KCNC1: variants seen among roughly 807,000 people sequenced by gnomAD.
KCNC1 encodes the protein voltage-gated potassium channel KCNC1.
In KCNC1, 8 loss-of-function variants were observed where a neutral mutation model predicts 43.4. The observed-to-expected ratio is 0.18, with a 90% CI of 0.11 to 0.33. The LOEUF (loss-of-function observed/expected upper bound fraction) is 0.33, where lower values mean the gene tolerates loss of function less well. KCNC1 is among the 10% of genes least tolerant of loss of function. The pLI, the probability that KCNC1 is intolerant of heterozygous loss-of-function variation, is 1.00. For synonymous variants in KCNC1, 361 were observed against 360.5 expected, an observed-to-expected ratio of 1.00 and a Z score of -0.01; for missense variants, 420 against 836.0, an observed-to-expected ratio of 0.50 and a Z score of 6.14.
intron 1 of KCNC1, among the ~76,000 whole-genome samples, chr11:17,740,502 C>T (rs1848825974): frequency 6.6e-6 from 1 of 152,052 alleles, no homozygotes; most frequent in African/African-American, 2.4e-5. Context: ...GGCTTGAAAC[C>T]TGCCCTCCTG....
chr11:17,748,309 G>C (rs1354354027), intron 1 of KCNC1, among the ~76,000 whole-genome samples: 1 of 152,180 alleles, frequency 6.6e-6, no homozygotes, highest in Non-Finnish European at 1.5e-5. Flanking sequence ...GAGCAGCTGT[G>C]TGCCCAGGGT....
chr11:17,749,925 G>A (rs992595570), intron 1 of KCNC1, among the ~76,000 whole-genome samples: 2 of 152,244 alleles, frequency 1.3e-5, no homozygotes, highest in African/African-American at 4.8e-5. Flanking sequence ...GGCAGAAAGA[G>A]CATTAGGGAG....
rs1282970151 is a variant in KCNC1, at chr11:17,771,467, G to C, written c.571-198G>C. 6.6e-6 allele frequency among the ~76,000 whole-genome samples: 1 copy of C among 152,192 alleles called. No individual in the cohort carries two copies. The highest frequency in any genetic ancestry group is 1.5e-5 in the Non-Finnish European group (1 of 68,030). Reference sequence around the variant, plus strand: ...ATAGGGGGAAGAAGACAGCATGGAAGGCGGAGTAGGAGGGTTTTAGAGCCT... The same window carrying C: ...ATAGGGGGAAGAAGACAGCATGGAACGCGGAGTAGGAGGGTTTTAGAGCCT... On this transcript the variant is annotated intron_variant, in intron 1 of 3. Coordinates refer to ENST00000265969, the MANE Select transcript of KCNC1 (RefSeq NM_001112741.2). This position sits in a 1 kb window ranked among gnomAD's most constrained non-coding sequence, Gnocchi z 4.7.
At chr11:17,740,748 C>G (rs1429996720) in intron 1 of KCNC1, among the ~76,000 whole-genome samples, 1 of 152,148 alleles carries the variant, frequency 6.6e-6, no homozygotes, top group African/African-American at 2.4e-5. Flanking sequence ...GCCCCACCTC[C>G]ATCCACCCAG....
chr11:17,745,492 C>T (rs1848889014), intron 1 of KCNC1, among the ~76,000 whole-genome samples: 1 of 152,208 alleles, frequency 6.6e-6, no homozygotes, highest in East Asian at 1.9e-4. Flanking sequence ...GTTCTTCTCT[C>T]AGCCCCAGCT....
chr11:17,773,371 C>CCGATGGAAG lies in KCNC1; in HGVS notation c.1504+776_1504+784dup. The CCGATGGAAG allele has an allele frequency of 1.0e-6, 1 of 985,314 alleles. No individual in the cohort carries two copies. Among genetic ancestry groups the CCGATGGAAG allele is most frequent in the Non-Finnish European group, 1.2e-6 (1 of 829,940 alleles). The allele number at this position is 985,314 out of a possible 1,614,324, so 61.0% of individuals were successfully genotyped here. Reference sequence around the variant, plus strand: ...TGGTCGAGTGGGAGTTTCCGGTGACCCGATGGAAGCGGCTGCCGAGCAAAA... The same window carrying CCGATGGAAG: ...TGGTCGAGTGGGAGTTTCCGGTGACCCGATGGAAGCGATGGAAGCGGCTGCCGAGCAAAA... On this transcript the variant is annotated intron_variant, in intron 2 of 3. Coordinates refer to ENST00000265969, the MANE Select transcript of KCNC1 (RefSeq NM_001112741.2). The surrounding 1 kb of genome is among the most constrained non-coding windows in gnomAD (Gnocchi z 4.1).
chr11:17,776,039 C>T lies in KCNC1; in HGVS notation c.1505-3417C>T. On this transcript the variant is annotated intron_variant, in intron 2 of 3. Transcript: ENST00000265969. This position sits in a 1 kb window ranked among gnomAD's most constrained non-coding sequence, Gnocchi z 4.4. ...GCGGCGGGTGGGGCTAAGAGAGTTT[C>T]TGCAGGGACCCAGCTGCAGGGTCAG... 1.0e-6 allele frequency: 1 copy of T among 985,394 alleles called. No individual in the cohort carries two copies. The highest frequency in any genetic ancestry group is 1.2e-6 in the Non-Finnish European group (1 of 829,968). The allele number at this position is 985,394 out of a possible 1,614,324, so 61.0% of individuals were successfully genotyped here.
rs375333946 is a variant in KCNC1, at chr11:17,762,073, C to T, written c.571-9592C>T. On this transcript the variant is annotated intron_variant, in intron 1 of 3. Coordinates refer to ENST00000265969, the MANE Select transcript of KCNC1 (RefSeq NM_001112741.2). ...AGACAGCTCCTCCGGCCCCATCCCA[C>T]GGGATCCCTCTGAGGCCGTCTCCTC... 6.6e-5 allele frequency among the ~76,000 whole-genome samples: 10 copies of T among 152,328 alleles called. No individual in the cohort carries two copies. In the East Asian group the frequency reaches 1.7e-3, roughly 26 times the overall value.
In KCNC1 at chr11:17,781,590, C is replaced by T. The variant is rs1428682583; in HGVS notation, c.1694-80C>T. ...TGCGGCTGTTCTGTCTTTCCTCCTC[C>T]TTCTTAAAAACTAAGTACCAAGCGG... On this transcript the variant is annotated intron_variant, in intron 3 of 3. Transcript: ENST00000265969. This position sits in a 1 kb window ranked among gnomAD's most constrained non-coding sequence, Gnocchi z 5.1. 2 of 1,005,724 alleles carry T rather than the reference C, an allele frequency of 2.0e-6. No individual in the cohort carries two copies. Among genetic ancestry groups the T allele is most frequent in the East Asian group, 5.3e-5 (2 of 38,092 alleles). The allele number at this position is 1,005,724 out of a possible 1,614,324, so 62.3% of individuals were successfully genotyped here. A position where few individuals can be genotyped will look rare whatever the true frequency, so the allele number is the denominator to read the frequency against.
intron 1 of KCNC1, among the ~76,000 whole-genome samples, chr11:17,753,447 T>C (rs1242270228): frequency 1.3e-5 from 2 of 152,254 alleles, no homozygotes; most frequent in African/African-American, 4.8e-5. Flanking sequence ...GTCAGATCCC[T>C]GGCTGGGCTG....
At chr11:17,763,402 A>G (rs1849099737) in intron 1 of KCNC1, among the ~76,000 whole-genome samples, 2 of 151,998 alleles carry the variant, frequency 1.3e-5, no homozygotes, top group African/African-American at 4.8e-5. Context: ...GTCTCGGCTC[A>G]GAGAACACGT....
chr11:17,782,532 C>T lies in KCNC1; in HGVS notation c.*798C>T, dbSNP rs1050307731. On this transcript the variant is annotated 3_prime_UTR_variant, in exon 4 of 4. Coordinates refer to ENST00000265969, the MANE Select transcript of KCNC1 (RefSeq NM_001112741.2). ...CAAATTGTTCATAGTAAATAATCAC[C>T]ACCGTATGGATTTTCCAAGTGTTCC... 7.2e-5 allele frequency: 11 copies of T among 152,092 alleles called. No homozygotes were observed. Among genetic ancestry groups the T allele is most frequent in the Non-Finnish European group, 1.5e-5 (1 of 68,020 alleles). 9.4% of individuals were successfully genotyped at this position (152,092 alleles called of 1,614,324 possible). A position where few individuals can be genotyped will look rare whatever the true frequency, so the allele number is the denominator to read the frequency against.
chr11:17,771,474 T>A lies in KCNC1; in HGVS notation c.571-191T>A, dbSNP rs1216074418. Among the ~76,000 whole-genome samples the A allele has an allele frequency of 6.6e-6, 1 of 151,864 alleles. No homozygotes were observed. The highest frequency in any genetic ancestry group is 1.5e-5 in the Non-Finnish European group (1 of 67,978). ...GAAGAAGACAGCATGGAAGGCGGAG[T>A]AGGAGGGTTTTAGAGCCTGCCCTGA... On this transcript the variant is annotated intron_variant, in intron 1 of 3. Coordinates refer to ENST00000265969, the MANE Select transcript of KCNC1 (RefSeq NM_001112741.2). The surrounding 1 kb of genome is among the most constrained non-coding windows in gnomAD (Gnocchi z 4.7).
chr11:17,766,226 CT>C (rs1374295023), intron 1 of KCNC1, among the ~76,000 whole-genome samples: 1 of 152,230 alleles, frequency 6.6e-6, no homozygotes, highest in African/African-American at 2.4e-5. Context: ...CCAAGTGTTT[CT>C]GGTGGTGTGT....
rs1417654576 is a variant in KCNC1 at position 17,742,793 on chromosome 11, C to T, written c.570+6221C>T. Among the ~76,000 whole-genome samples, 1 of 152,220 alleles carries T rather than the reference C, an allele frequency of 6.6e-6. No homozygotes were observed. Among genetic ancestry groups the T allele is most frequent in the African/African-American group, 2.4e-5 (1 of 41,440 alleles). ...AGGGAATCAGTGAGACTCAAACTCA[C>T]AGCCTAGGCCTCTGGTCCCAGGGCC... On this transcript the variant is annotated intron_variant, in intron 1 of 3. Transcript: ENST00000265969. The surrounding 1 kb of genome is among the most constrained non-coding windows in gnomAD (Gnocchi z 4.2).
At chr11:17,758,337 A>G (rs1219053776) in intron 1 of KCNC1, among the ~76,000 whole-genome samples, 2 of 152,296 alleles carry the variant, frequency 1.3e-5, no homozygotes, top group East Asian at 1.9e-4. Context: ...GACTTCCTCC[A>G]CTGGAGTCTT....
chr11:17,746,195 A>T (rs1848897549), intron 1 of KCNC1, among the ~76,000 whole-genome samples: 1 of 152,234 alleles, frequency 6.6e-6, no homozygotes, highest in African/African-American at 2.4e-5. Context: ...TGGAGCAGCG[A>T]ATAACAGGCA....
chr11:17,740,640 C>CTG (rs145669660), intron 1 of KCNC1, among the ~76,000 whole-genome samples: 3 of 151,844 alleles, frequency 2.0e-5, no homozygotes, highest in African/African-American at 4.8e-5. Context: ...CCAGAGTGTC[C>CTG]TGTGTGTGTG....
intron 1 of KCNC1, among the ~76,000 whole-genome samples, chr11:17,744,601 C>T (rs1392507960): frequency 6.6e-6 from 1 of 152,166 alleles, no homozygotes; most frequent in Non-Finnish European, 1.5e-5. Flanking sequence ...CTCTTCGCTT[C>T]CTGCCCTTAG....
Sources: allele counts gnomAD v4.1 joint callset (sites outside exome capture counted in the v4.1 genomes callset), GRCh38; gene constraint gnomAD v4.1.1; non-coding constraint Gnocchi (gnomAD v3.1); transcripts MANE v1.5; gene names NCBI Gene and HGNC (gene_info 2026-07-23, HGNC 2026-07-21).